The following LNPEP variants were observed in gnomAD, a reference collection of about 807,000 sequenced individuals.
The protein encoded by LNPEP is leucyl-cystinyl aminopeptidase.
A neutral mutation model predicts 120.6 loss-of-function variants in LNPEP; 64 were observed. That is an observed-to-expected ratio of 0.53 (90% CI 0.43 to 0.65). LNPEP has a LOEUF of 0.65. LNPEP is among the 30% of genes least tolerant of loss of function. The pLI, the probability that LNPEP is intolerant of heterozygous loss-of-function variation, is 0.00. For synonymous variants in LNPEP, 435 were observed against 425.4 expected, an observed-to-expected ratio of 1.02 and a Z score of -0.28; for missense variants, 1,057 against 1,200.0, an observed-to-expected ratio of 0.88 and a Z score of 1.76.
In LNPEP at chr5:97,031,958, TAA is replaced by T. The variant is rs1791477865; in HGVS notation, c.*3429_*3430del. 6.6e-6 allele frequency: 1 copy of T among 152,212 alleles called. No homozygotes were observed. The highest frequency in any genetic ancestry group is 2.4e-5 in the African/African-American group (1 of 41,456). The allele number at this position is 152,212 out of a possible 1,614,324, so 9.4% of individuals were successfully genotyped here. On this transcript the variant is annotated 3_prime_UTR_variant, in exon 18 of 18. Transcript: ENST00000231368. ...ACTGACAGTTTGTTGAGATGGATTT[TAA>T]AAAGAGTCTATTTAAACCAAAGTAC...
chr5:97,024,984 G>A (rs1791306284), intron 15 of LNPEP, among the ~76,000 whole-genome samples: 1 of 152,116 alleles, frequency 6.6e-6, no homozygotes, highest in African/African-American at 2.4e-5. Context: ...GTACTCCATA[G>A]TTTAGGACCA....
rs552626432 is a variant in LNPEP at position 97,037,217 on chromosome 5, G to A, written c.*8684G>A. The A allele has an allele frequency of 2.0e-5, 3 of 152,074 alleles. No homozygotes were observed. Among genetic ancestry groups the A allele is most frequent in the Non-Finnish European group, 4.4e-5 (3 of 68,012 alleles). The allele number at this position is 152,074 out of a possible 1,614,324, so 9.4% of individuals were successfully genotyped here. On this transcript the variant is annotated 3_prime_UTR_variant, in exon 18 of 18. Coordinates refer to ENST00000231368, the MANE Select transcript of LNPEP (RefSeq NM_005575.3). ...AGTAGTTACTTGGAAACTTGTAAAGGTATTACATTTTTATATTTAAACACC... is the reference window on the plus strand; with the variant it reads ...AGTAGTTACTTGGAAACTTGTAAAGATATTACATTTTTATATTTAAACACC...
At chr5:96,983,112 G>A (rs1450327352) in intron 2 of LNPEP, among the ~76,000 whole-genome samples, 1 of 152,188 alleles carries the variant, frequency 6.6e-6, no homozygotes, top group Non-Finnish European at 1.5e-5. Context: ...TGTATGAGAT[G>A]TAGGTTACTG....
At chr5:96,937,660 A>T (rs1311940381) in intron 1 of LNPEP, 5 of 150,676 alleles carry the variant, frequency 3.3e-5, no homozygotes, top group African/African-American at 1.2e-4. Context: ...CATCTAAATT[A>T]AAAAAAAAAT....
chr5:96,953,256 G>A (rs7731592), intron 1 of LNPEP, among the ~76,000 whole-genome samples: 61,240 of 152,082 alleles, frequency 0.4, 12,401 homozygotes, highest in Non-Finnish European at 0.43. Flanking sequence ...CACACATACC[G>A]GGTTTTATGA....
intron 8 of LNPEP, among the ~76,000 whole-genome samples, chr5:97,000,187 T>C (rs1790613798): frequency 6.6e-6 from 1 of 152,156 alleles, no homozygotes; most frequent in African/African-American, 2.4e-5. Context: ...GAAATGAGAA[T>C]GACAAAGGAA....
chr5:96,998,064 A>G lies in LNPEP; in HGVS notation c.1572A>G (p.Leu524=), dbSNP rs777797816. The G allele has an allele frequency of 1.5e-5, 23 of 1,581,914 alleles. No homozygotes were observed. The South Asian group carries it at 2.6e-4, about 18-fold the overall frequency. Residue 524 remains leucine (L), a synonymous_variant, in exon 8 of 18, where the codon TTA becomes TTG. Coordinates refer to ENST00000231368, the MANE Select transcript of LNPEP (RefSeq NM_005575.3). The stretch of plus-strand genomic sequence containing the variant: ...TTAAAACCATGAAGAAAGATTCCTT[A>G]AATTCATCTCATCCAATATCATCAT... ...ARFKTMKKDS[L]NSSHPISSSV...
intron 13 of LNPEP, among the ~76,000 whole-genome samples, chr5:97,015,820 C>T (rs1561453109): frequency 6.6e-6 from 1 of 152,054 alleles, no homozygotes; most frequent in Non-Finnish European, 1.5e-5. Flanking sequence ...AGTATTAGAC[C>T]AAGAATTAGA....
rs548692061 is a variant in LNPEP at position 97,037,012 on chromosome 5, A to T, written c.*8479A>T. ...CTCCAGAAATTGGACTGTGTAAACC[A>T]TCAGTACAATAATACGCTGTGTATG... On this transcript the variant is annotated 3_prime_UTR_variant, in exon 18 of 18. Transcript: ENST00000231368. 1 of 152,292 alleles carries T rather than the reference A, an allele frequency of 6.6e-6. No homozygotes were observed. Among genetic ancestry groups the T allele is most frequent in the Admixed American group, 6.5e-5 (1 of 15,268 alleles). The allele number at this position is 152,292 out of a possible 1,614,324, so 9.4% of individuals were successfully genotyped here.
intron 13 of LNPEP, among the ~76,000 whole-genome samples, chr5:97,018,864 A>G (rs1235413257): frequency 6.6e-6 from 1 of 152,082 alleles, no homozygotes. Context: ...TGTGATGGGT[A>G]GGGTCTGGAG....
At chr5:96,986,436 T>A (rs1790245746) in intron 3 of LNPEP, 103 bp from the exon 4 acceptor site, 9 of 1,149,432 alleles carry the variant, frequency 7.8e-6, no homozygotes, top group Non-Finnish European at 1.1e-5. Context: ...TATGCTAGCA[T>A]CTTTACCATT....
intron 1 of LNPEP, among the ~76,000 whole-genome samples, chr5:96,947,507 T>C (rs1056883479): frequency 3.9e-5 from 6 of 152,210 alleles, no homozygotes; most frequent in Admixed American, 2.0e-4. Flanking sequence ...TCAGTATTTA[T>C]TCCCGTGCTA....
intron 6 of LNPEP, among the ~76,000 whole-genome samples, chr5:96,995,060 T>A (rs1196186416): frequency 6.6e-6 from 1 of 152,014 alleles, no homozygotes; most frequent in Non-Finnish European, 1.5e-5. Context: ...GTGAGCCGAG[T>A]TTGCACCAGT....
At chr5:96,992,917 A>G (rs1408535152) in intron 4 of LNPEP, 98 bp from the exon 5 acceptor site, 2 of 837,286 alleles carry the variant, frequency 2.4e-6, no homozygotes, top group East Asian at 5.4e-5. Flanking sequence ...ATACAATTCT[A>G]TAGAATTTTC....
chr5:97,016,268 G>C (rs1460713745), intron 13 of LNPEP, among the ~76,000 whole-genome samples: 1 of 152,094 alleles, frequency 6.6e-6, no homozygotes, highest in African/African-American at 2.4e-5. Context: ...CCAGTGCCTG[G>C]AACATGACCT....
rs1791227466 is a variant in LNPEP at position 97,022,463 on chromosome 5, T to C, written c.2540T>C (p.Met847Thr). Reference protein sequence around the residue: ...TTAMKLFDDWMASNGTQSLPT... With the variant: ...TTAMKLFDDWTASNGTQSLPT... ...GCCATGAAACTGTTTGATGACTGGA[T>C]GGCATCCAATGGAACTCAAAGGTGA... Residue 847 changes from methionine to threonine, a missense_variant, in exon 14 of 18, where the codon ATG becomes ACG. Coordinates refer to ENST00000231368, the MANE Select transcript of LNPEP (RefSeq NM_005575.3). 6.2e-7 allele frequency: 1 copy of C among 1,613,736 alleles called. No individual in the cohort carries two copies. Among genetic ancestry groups the C allele is most frequent in the African/African-American group, 1.3e-5 (1 of 74,890 alleles).
At chr5:97,018,112 A>G (rs1275924307) in intron 13 of LNPEP, among the ~76,000 whole-genome samples, 2 of 152,146 alleles carry the variant, frequency 1.3e-5, no homozygotes, top group Non-Finnish European at 2.9e-5. Context: ...GGTCCCAGGC[A>G]GACACAAAAT....
intron 2 of LNPEP, among the ~76,000 whole-genome samples, chr5:96,983,546 A>G (rs1790174143): frequency 6.6e-6 from 1 of 151,988 alleles, no homozygotes. Context: ...CCCAGGTGCA[A>G]GCGATTCTCC....
chr5:96,973,431 A>G (rs1448972306), intron 1 of LNPEP, among the ~76,000 whole-genome samples: 1 of 152,136 alleles, frequency 6.6e-6, no homozygotes, highest in Non-Finnish European at 1.5e-5. Context: ...AAATTTATCT[A>G]GAAAATATTT....
Sources: gnomAD v4.1 joint callset for allele counts (sites outside exome capture counted in the v4.1 genomes callset) on GRCh38, gnomAD v4.1.1 for gene constraint, MANE v1.5 for transcripts, NCBI Gene and HGNC (gene_info 2026-07-23, HGNC 2026-07-21) for gene names.